The following POLA1 variants were observed in gnomAD, a reference collection of about 807,000 sequenced individuals.
POLA1 encodes DNA polymerase alpha catalytic subunit.
In POLA1, 15 loss-of-function variants were observed where a neutral mutation model predicts 124.0. That is an observed-to-expected ratio of 0.12 (90% confidence interval 0.08 to 0.19). The LOEUF is 0.19. POLA1 is among the 10% of genes least tolerant of loss of function. The pLI, the probability that POLA1 is intolerant of heterozygous loss-of-function variation, is 1.00. For missense variants in POLA1, 886 were observed against 1,103.4 expected (o/e 0.80, Z 2.79); for synonymous variants, 408 against 389.4 (o/e 1.05, Z -0.56).
At chrX:24,868,158 C>G (rs1387380616) in intron 34 of POLA1, among the ~76,000 whole-genome samples, 1 of 112,028 alleles carries the variant, frequency 8.9e-6, no homozygotes, top group African/African-American at 3.2e-5. Flanking sequence ...CCAGTTCATG[C>G]TTACTTTTAG....
intron 30 of POLA1, among the ~76,000 whole-genome samples, chrX:24,819,387 A>G (rs1409340328): frequency 1.8e-5 from 2 of 110,405 alleles, no homozygotes; most frequent in Non-Finnish European, 3.8e-5. Context: ...TTTGCCTTGA[A>G]GTGGCAGGCT....
intron 26 of POLA1, among the ~76,000 whole-genome samples, chrX:24,804,642 G>A (rs933319553): frequency 9.0e-6 from 1 of 111,669 alleles, no homozygotes; most frequent in Non-Finnish European, 1.9e-5. Flanking sequence ...TGGGTTTCTT[G>A]TTAATAAGTA....
intron 34 of POLA1, among the ~76,000 whole-genome samples, chrX:24,849,694 A>C (rs1354534804): frequency 9.5e-6 from 1 of 104,731 alleles, no homozygotes; most frequent in Non-Finnish European, 2.0e-5. Flanking sequence ...GCAGTGGTGC[A>C]ATCTCAGCTC....
At chrX:24,809,294 C>T (rs1263284250) in intron 26 of POLA1, among the ~76,000 whole-genome samples, 2 of 111,408 alleles carry the variant, frequency 1.8e-5, no homozygotes, top group African/African-American at 3.3e-5. Context: ...TTTCTATCCA[C>T]GTTGTAACCT....
intron 35 of POLA1, among the ~76,000 whole-genome samples, chrX:24,916,902 T>C (rs374747941): frequency 1.1e-4 from 12 of 112,659 alleles, no homozygotes; most frequent in Admixed American, 8.4e-4. Flanking sequence ...TCGTTTTCTA[T>C]CGCATGTAGA....
intron 36 of POLA1, among the ~76,000 whole-genome samples, chrX:24,956,856 A>T (rs888810109): frequency 8.9e-6 from 1 of 112,695 alleles, no homozygotes; most frequent in South Asian, 3.7e-4. Context: ...GGCCAAAAAA[A>T]GTATGAAACT....
At chrX:24,915,317 A>G (rs1367949110) in intron 35 of POLA1, among the ~76,000 whole-genome samples, 5 of 112,042 alleles carry the variant, frequency 4.5e-5, no homozygotes, top group African/African-American at 9.7e-5. Flanking sequence ...TTGATGATCT[A>G]CCAATTTGCT....
At chrX:24,737,936 G>A (rs370696588) in intron 19 of POLA1, among the ~76,000 whole-genome samples, 195 bp downstream of exon 19, 8 of 99,982 alleles carry the variant, frequency 8.0e-5, no homozygotes, top group Admixed American at 2.0e-4. Flanking sequence ...AGTTTTGGCC[G>A]GGCGCGGTGG....
intron 35 of POLA1, among the ~76,000 whole-genome samples, chrX:24,892,768 G>A (rs772017070): frequency 1.2e-4 from 14 of 112,128 alleles, no homozygotes; most frequent in African/African-American, 2.9e-4. Context: ...ATAATCTGTC[G>A]AAACTGTATA....
chrX:24,948,332 TA>T (rs954309760), intron 36 of POLA1, among the ~76,000 whole-genome samples: 12 of 100,524 alleles, frequency 1.2e-4, no homozygotes, highest in African/African-American at 3.8e-4. Flanking sequence ...CTAAATTAAA[TA>T]TATCTATGCT....
intron 4 of POLA1, among the ~76,000 whole-genome samples, chrX:24,713,704 C>T (rs187415758): frequency 2.0e-4 from 23 of 112,495 alleles, no homozygotes; most frequent in East Asian, 5.6e-4. Context: ...CGTGAGCCAC[C>T]GCACCCGGCC....
At chrX:24,942,248 C>A (rs2047916466) in intron 36 of POLA1, among the ~76,000 whole-genome samples, 1 of 112,241 alleles carries the variant, frequency 8.9e-6, no homozygotes, top group African/African-American at 3.2e-5. Context: ...TGAGAAACAA[C>A]CCCAAAAGGA....
At chrX:24,866,165 C>G (rs1450583639) in intron 34 of POLA1, among the ~76,000 whole-genome samples, 1 of 112,102 alleles carries the variant, frequency 8.9e-6, no homozygotes, top group Non-Finnish European at 1.9e-5. Flanking sequence ...GTGGTAATCA[C>G]AGGAGTCAGT....
At chrX:24,705,395 C>G (rs1928731630) in intron 4 of POLA1, among the ~76,000 whole-genome samples, 1 of 111,886 alleles carries the variant, frequency 8.9e-6, no homozygotes, top group Non-Finnish European at 1.9e-5. Context: ...TTGCCCTTTA[C>G]TGTCTGGATC....
chrX:24,878,085 G>GTTCTGT (rs1233935271), intron 34 of POLA1, among the ~76,000 whole-genome samples: 1 of 110,618 alleles, frequency 9.0e-6, no homozygotes, highest in Admixed American at 9.6e-5. Context: ...TCTACCCTTA[G>GTTCTGT]TTCTGTTTAC....
intron 36 of POLA1, among the ~76,000 whole-genome samples, chrX:24,969,898 C>T (rs955820021): frequency 1.8e-5 from 2 of 111,751 alleles, no homozygotes; most frequent in African/African-American, 6.5e-5. Flanking sequence ...TCAGCTCCCA[C>T]TTAAAAGTGA....
intron 34 of POLA1, among the ~76,000 whole-genome samples, chrX:24,863,533 G>A (rs999442246): frequency 1.8e-5 from 2 of 111,922 alleles, no homozygotes; most frequent in East Asian, 2.8e-4. Flanking sequence ...TGATCACTGT[G>A]CAGTTGTGTA....
At chrX:24,758,807 G>A (rs183179130) in intron 26 of POLA1, among the ~76,000 whole-genome samples, 1,127 of 112,076 alleles carry the variant, frequency 0.01, 8 homozygotes, top group Non-Finnish European at 0.015. Context: ...AGCCTCCCGA[G>A]TAGCTGGGAC....
chrX:24,961,742 C>CT (rs35899053), intron 36 of POLA1, among the ~76,000 whole-genome samples: 3 of 111,471 alleles, frequency 2.7e-5, no homozygotes, highest in East Asian at 5.7e-4. Flanking sequence ...AACTTAGGAG[C>CT]TTTTTTAAAA....
Sources: allele counts gnomAD v4.1 joint callset (sites outside exome capture counted in the v4.1 genomes callset), GRCh38; gene constraint gnomAD v4.1.1; transcripts MANE v1.5; gene names NCBI Gene and HGNC (gene_info 2026-07-23, HGNC 2026-07-21).